Variants in SV2C observed in about 807,000 individuals in gnomAD.
SV2C encodes solute carrier family 22 member B3.
Under a neutral mutation model 79.7 loss-of-function variants are expected in SV2C, and 49 were observed. That is an observed-to-expected ratio of 0.61 (90% CI 0.49 to 0.78). SV2C has a LOEUF of 0.78. SV2C is among the 30% of genes least tolerant of loss of function. The pLI is 0.00. For synonymous variants in SV2C, 334 were observed against 333.2 expected (o/e 1.00, Z -0.03); for missense variants, 833 against 912.9 (o/e 0.91, Z 1.13).
the SV2C span, among the ~76,000 whole-genome samples, chr5:75,951,208 A>G: frequency 6.6e-6 from 1 of 152,054 alleles, no homozygotes; most frequent in Non-Finnish European, 1.5e-5. Context: ...ATTTGCTTCT[A>G]AGATCTATTT....
chr5:75,907,533 A>G, the SV2C span, among the ~76,000 whole-genome samples: 4,055 of 152,222 alleles, frequency 0.027, 182 homozygotes, highest in African/African-American at 0.093. Context: ...AACTGCTAAG[A>G]AAGAGAAGAG....
chr5:76,044,108 T>C, the SV2C span, among the ~76,000 whole-genome samples: 1 of 152,170 alleles, frequency 6.6e-6, no homozygotes, highest in Non-Finnish European at 1.5e-5. Context: ...CCCCTCCCTG[T>C]GTCCATGTGT....
At chr5:76,226,263 G>T (rs1270772730) in intron 4 of SV2C, among the ~76,000 whole-genome samples, 1 of 151,410 alleles carries the variant, frequency 6.6e-6, no homozygotes, top group African/African-American at 2.4e-5. Context: ...GACAATTTAA[G>T]ACTGAGATGG....
chr5:75,850,044 T>C, the SV2C span, among the ~76,000 whole-genome samples: 1 of 152,208 alleles, frequency 6.6e-6, no homozygotes, highest in East Asian at 1.9e-4. Flanking sequence ...ATTTAATATC[T>C]TTGATATGGT....
chr5:76,193,984 TA>T (rs1368317843), intron 2 of SV2C, among the ~76,000 whole-genome samples: 2 of 152,370 alleles, frequency 1.3e-5, no homozygotes, highest in African/African-American at 4.8e-5. Context: ...CTTTAAAAGA[TA>T]ATAAGTGGTT....
At chr5:76,151,775 C>T (rs1749613349) in intron 2 of SV2C, among the ~76,000 whole-genome samples, 1 of 151,820 alleles carries the variant, frequency 6.6e-6, no homozygotes, top group South Asian at 2.1e-4. Context: ...GTGTCTTCTT[C>T]ACACAGTGCC....
chr5:76,217,953 G>A (rs1744952441), intron 4 of SV2C, among the ~76,000 whole-genome samples: 1 of 152,152 alleles, frequency 6.6e-6, no homozygotes, highest in African/African-American at 2.4e-5. Context: ...AATAACGAGA[G>A]TCTGACAACT....
intron 12 of SV2C, among the ~76,000 whole-genome samples, chr5:76,346,381 G>A (rs1749538266): frequency 6.6e-6 from 1 of 152,186 alleles, no homozygotes; most frequent in South Asian, 2.1e-4. Flanking sequence ...TTTAGCATCA[G>A]CTTCTGTGAG....
At chr5:76,261,302 G>A (rs1468478686) in intron 4 of SV2C, among the ~76,000 whole-genome samples, 2 of 152,154 alleles carry the variant, frequency 1.3e-5, no homozygotes, top group African/African-American at 2.4e-5. Context: ...TGTATTCTGA[G>A]GCTTTGCTGA....
chr5:76,297,281 T>C (rs1056949881), intron 9 of SV2C, among the ~76,000 whole-genome samples: 3 of 152,208 alleles, frequency 2.0e-5, no homozygotes, highest in Non-Finnish European at 4.4e-5. Context: ...CAACTCTTTA[T>C]ATACTGATAC....
At chr5:76,277,942 C>T (rs891890368) in intron 4 of SV2C, among the ~76,000 whole-genome samples, 1 of 152,076 alleles carries the variant, frequency 6.6e-6, no homozygotes, top group East Asian at 1.9e-4. Context: ...CTGTTCTGTG[C>T]CCTGATAATG....
chr5:76,025,750 G>T, the SV2C span, among the ~76,000 whole-genome samples: 1 of 152,230 alleles, frequency 6.6e-6, no homozygotes, highest in Middle Eastern at 3.4e-3. Context: ...GAGAAAAATG[G>T]AAGTCAGATG....
At chr5:76,041,199 A>G in the SV2C span, among the ~76,000 whole-genome samples, 1 of 152,222 alleles carries the variant, frequency 6.6e-6, no homozygotes, top group Admixed American at 6.5e-5. Context: ...AAGCTAACCA[A>G]CGATAGATAA....
At chr5:76,169,097 CAA>C (rs1329519114) in intron 2 of SV2C, among the ~76,000 whole-genome samples, 1 of 152,152 alleles carries the variant, frequency 6.6e-6, no homozygotes, top group East Asian at 1.9e-4. Flanking sequence ...TAAAATGAAA[CAA>C]GAGGATAAAA....
intron 2 of SV2C, among the ~76,000 whole-genome samples, chr5:76,181,307 G>A (rs1292858402): frequency 6.6e-6 from 1 of 152,224 alleles, no homozygotes; most frequent in African/African-American, 2.4e-5. Context: ...CATTGCAGTA[G>A]AGTCCGTATG....
chr5:75,918,779 G>A, the SV2C span, among the ~76,000 whole-genome samples: 53 of 152,284 alleles, frequency 3.5e-4, no homozygotes, highest in African/African-American at 1.3e-3. Flanking sequence ...ATAACAAGAG[G>A]GAAGAAGAGT....
At chr5:76,261,844 AC>A (rs1446456081) in intron 4 of SV2C, among the ~76,000 whole-genome samples, 1 of 152,100 alleles carries the variant, frequency 6.6e-6, no homozygotes, top group Non-Finnish European at 1.5e-5. Context: ...ATTTGGTTTG[AC>A]AGTATTTTAT....
At chr5:76,350,601 A>G (rs779625826) in intron 12 of SV2C, among the ~76,000 whole-genome samples, 7 of 152,334 alleles carry the variant, frequency 4.6e-5, no homozygotes, top group South Asian at 2.1e-4. Flanking sequence ...ATACTAAGGA[A>G]CTAAAATGAG....
chr5:76,122,150 C>G (rs998479184), intron 1 of SV2C, among the ~76,000 whole-genome samples: 8 of 150,700 alleles, frequency 5.3e-5, no homozygotes, highest in Non-Finnish European at 8.8e-5. Flanking sequence ...TGGGAGATCA[C>G]TCATAATTTG....
Sources: gnomAD v4.1 joint callset for allele counts (sites outside exome capture counted in the v4.1 genomes callset) on GRCh38, gnomAD v4.1.1 for gene constraint, MANE v1.5 for transcripts, NCBI Gene and HGNC (gene_info 2026-07-23, HGNC 2026-07-21) for gene names.